Variants in LUC7L3 observed in about 807,000 individuals in gnomAD.
LUC7L3 encodes LUC7 like 3 pre-mRNA splicing factor, also known as luc7-like protein 3.
A neutral mutation model predicts 66.8 loss-of-function variants in LUC7L3; 6 were observed. The ratio of observed to expected loss-of-function variants is 0.09; its 90% CI spans 0.05 to 0.18. The LOEUF (loss-of-function observed/expected upper bound fraction) is 0.18, where lower values mean the gene tolerates loss of function less well. Among genes scored for constraint, LUC7L3 ranks in the 10% least tolerant of loss-of-function variants. The pLI is 1.00. For missense variants in LUC7L3, 341 were observed against 531.1 expected (o/e 0.64, Z 3.52); for synonymous variants, 160 against 174.7 (o/e 0.92, Z 0.66).
At chr17:50,730,673 G>C (rs1462098698) in intron 1 of LUC7L3, among the ~76,000 whole-genome samples, 2 of 152,162 alleles carry the variant, frequency 1.3e-5, no homozygotes, top group African/African-American at 4.8e-5. Flanking sequence ...TGGTGCTGTG[G>C]CTCATGCCTG....
intron 2 of LUC7L3, chr17:50,737,459 C>T (rs1970051075): frequency 2.0e-5 from 7 of 356,154 alleles, no homozygotes; most frequent in South Asian, 1.6e-4. Flanking sequence ...CCTGGACAGG[C>T]TCAGGATTTG....
intron 6 of LUC7L3, 58 bp downstream of exon 6, chr17:50,743,868 A>C: frequency 7.9e-6 from 10 of 1,261,290 alleles, no homozygotes; most frequent in Non-Finnish European, 1.0e-5. Flanking sequence ...GTAGGAACTC[A>C]TTTTTATTTG....
chr17:50,749,217 A>G (rs1278443408), intron 9 of LUC7L3: 3 of 1,288,858 alleles, frequency 2.3e-6, no homozygotes, highest in Non-Finnish European at 2.0e-6. Flanking sequence ...ATATTTACAT[A>G]GGGCAGAAGA....
At chr17:50,744,858 C>G in intron 7 of LUC7L3, 45 bp downstream of exon 7, 1 of 1,548,718 alleles carries the variant, frequency 6.5e-7, no homozygotes. Flanking sequence ...GCTCTGTCAC[C>G]TAGAGTGCAG....
At chr17:50,723,381 A>G (rs767912576) in intron 1 of LUC7L3, 2 of 152,280 alleles carry the variant, frequency 1.3e-5, no homozygotes, top group Non-Finnish European at 2.9e-5. Context: ...GTTAGCAGAT[A>G]CTGTCATTGA....
chr17:50,721,692 T>C (rs1968778314), intron 1 of LUC7L3, among the ~76,000 whole-genome samples: 1 of 152,208 alleles, frequency 6.6e-6, no homozygotes, highest in Non-Finnish European at 1.5e-5. Flanking sequence ...GGGGAAGCTG[T>C]TGATATCGTT....
chr17:50,741,874 G>A (rs1441003628), intron 5 of LUC7L3, 143 bp downstream of exon 5: 7 of 606,280 alleles, frequency 1.2e-5, no homozygotes, highest in African/African-American at 3.8e-5. Flanking sequence ...TGCTTGAGCC[G>A]GAGAATTTGA....
At chr17:50,732,172 G>A (rs908463229) in intron 1 of LUC7L3, among the ~76,000 whole-genome samples, 9 of 152,192 alleles carry the variant, frequency 5.9e-5, no homozygotes, top group African/African-American at 2.2e-4. Context: ...CTAAGGGCAG[G>A]ATTTACAGTA....
chr17:50,741,660 G>T lies in LUC7L3; in HGVS notation c.355G>T (p.Ala119Ser), dbSNP rs779663765. 1 of 1,610,936 alleles carries T rather than the reference G, an allele frequency of 6.2e-7. No homozygotes were observed. The highest frequency in any genetic ancestry group is 2.2e-5 in the East Asian group (1 of 44,844). The change falls in exon 5 of 10, where the codon GCT (alanine) becomes TCT (serine). Residue 119 changes from alanine (A) to serine (S), a missense_variant. By Grantham distance (99) the Ala-to-Ser change is moderately conservative (BLOSUM62 1). Around this residue, in one of 6 missense-constraint regions of LUC7L3, gnomAD observed 86 missense variants for 172.0 expected, o/e 0.50. Coordinates refer to ENST00000505658, the MANE Select transcript of LUC7L3 (RefSeq NM_016424.5). ...LSQNQQSSGA[A>S]GPTGKNEEKI... ...TACGTTTTATTGTCTTCAATAGGCC[G>T]CTGGCCCAACAGGCAAAAATGAAGA... is the stretch of plus-strand genomic sequence containing the variant.
At chr17:50,743,927 A>T (rs1970506962) in intron 6 of LUC7L3, 117 bp downstream of exon 6, 2 of 737,866 alleles carry the variant, frequency 2.7e-6, no homozygotes, top group Non-Finnish European at 4.5e-6. Context: ...CACAATTTGT[A>T]GCCCACAAGG....
At chr17:50,728,469 AAT>A (rs958556991) in intron 1 of LUC7L3, among the ~76,000 whole-genome samples, 4 of 152,204 alleles carry the variant, frequency 2.6e-5, no homozygotes, top group African/African-American at 9.7e-5. Context: ...GGTAAAAAAA[AAT>A]ATTTATAGAC....
intron 9 of LUC7L3, among the ~76,000 whole-genome samples, chr17:50,747,362 G>T (rs574923853): frequency 6.6e-6 from 1 of 151,166 alleles, no homozygotes; most frequent in African/African-American, 2.4e-5. Context: ...TTTATTGGAA[G>T]ATAATTCTGT....
intron 1 of LUC7L3, among the ~76,000 whole-genome samples, chr17:50,726,624 GGTTGCTGGCA>G (rs1260223474): frequency 6.6e-6 from 1 of 152,102 alleles, no homozygotes; most frequent in Non-Finnish European, 1.5e-5. Context: ...CTGCACCTGG[GGTTGCTGGCA>G]TTTGAGACAA....
intron 2 of LUC7L3, chr17:50,738,031 A>G (rs1970090920): frequency 2.6e-6 from 1 of 390,430 alleles, no homozygotes; most frequent in South Asian, 2.0e-5. Flanking sequence ...GGGCAGTAGT[A>G]AGTTAAAAAA....
chr17:50,754,106 C>T lies in LUC7L3; in HGVS notation c.*3445C>T, dbSNP rs1411761405. ...AGTTCACTAGAAGAAACAAACATTT[C>T]TGCCATGCAGACCAAAAAGTTATTA... On this transcript the variant is annotated 3_prime_UTR_variant, in exon 10 of 10. Coordinates refer to ENST00000505658, the MANE Select transcript of LUC7L3 (RefSeq NM_016424.5). 6.6e-6 allele frequency: 1 copy of T among 152,190 alleles called. No individual in the cohort carries two copies. The highest frequency in any genetic ancestry group is 1.5e-5 in the Non-Finnish European group (1 of 68,030). 9.4% of individuals were successfully genotyped at this position (152,190 alleles called of 1,614,324 possible).
At chr17:50,749,231 G>C in intron 9 of LUC7L3, 1 of 1,289,178 alleles carries the variant, frequency 7.8e-7, no homozygotes, top group Non-Finnish European at 1.0e-6. Flanking sequence ...CAGAAGATAA[G>C]ATTATTGGAC....
At chr17:50,743,078 C>A (rs138919564) in intron 5 of LUC7L3, among the ~76,000 whole-genome samples, 19 of 152,258 alleles carry the variant, frequency 1.2e-4, no homozygotes, top group Middle Eastern at 3.4e-3. Context: ...GTTTAGGATT[C>A]AGGCTGGAGG....
At chr17:50,749,673 G>C (rs1309237764) in intron 9 of LUC7L3, among the ~76,000 whole-genome samples, 2 of 152,146 alleles carry the variant, frequency 1.3e-5, no homozygotes, top group Non-Finnish European at 2.9e-5. Context: ...AAGGGGAAAA[G>C]TAATTTTTCC....
At chr17:50,727,037 C>T (rs762274675) in intron 1 of LUC7L3, among the ~76,000 whole-genome samples, 4 of 151,826 alleles carry the variant, frequency 2.6e-5, no homozygotes, top group Admixed American at 6.6e-5. Context: ...TGCAGTGAGC[C>T]GAGATCATGC....
Sources: allele counts gnomAD v4.1 joint callset (sites outside exome capture counted in the v4.1 genomes callset), GRCh38; gene constraint gnomAD v4.1.1; regional missense constraint gnomAD v4.1.1; transcripts MANE v1.5; gene names NCBI Gene and HGNC (gene_info 2026-07-23, HGNC 2026-07-21).